AUTS2: variants seen among roughly 807,000 people sequenced by gnomAD.
AUTS2 encodes the protein activator of transcription and developmental regulator AUTS2, also known as autism susceptibility gene 2 protein.
Under a neutral mutation model 112.4 loss-of-function variants are expected in AUTS2, and 17 were observed. That is an observed-to-expected ratio of 0.15 (90% CI 0.10 to 0.23). The LOEUF (loss-of-function observed/expected upper bound fraction) is 0.23. AUTS2 is among the 10% of genes least tolerant of loss of function. AUTS2 has a pLI of 1.00. For synonymous variants in AUTS2, 751 were observed against 702.7 expected (o/e 1.07, Z -1.09); for missense variants, 1,510 against 1,701.6 (o/e 0.89, Z 1.98).
chr7:69,674,408 G>A (rs563339948), intron 1 of AUTS2, among the ~76,000 whole-genome samples: 2 of 152,242 alleles, frequency 1.3e-5, no homozygotes, highest in South Asian at 4.2e-4. Flanking sequence ...TGAGCTGTGG[G>A]ACCTTAACTT....
At chr7:69,608,725 A>G (rs1197717310) in intron 1 of AUTS2, among the ~76,000 whole-genome samples, 1 of 152,228 alleles carries the variant, frequency 6.6e-6, no homozygotes, top group Non-Finnish European at 1.5e-5. Flanking sequence ...GTACATGTTC[A>G]GTTGGCAAAG....
At position 70,790,586 on chromosome 7, in the gene AUTS2, T is replaced by TACAGCC. The variant is rs768948000; in HGVS notation, c.3373_3378dup (p.Ser1125_His1126dup). The TACAGCC allele has an allele frequency of 1.2e-6, 2 of 1,601,858 alleles. No individual in the cohort carries two copies. Among genetic ancestry groups the TACAGCC allele is most frequent in the Non-Finnish European group, 1.7e-6 (2 of 1,175,472 alleles). On this transcript the variant is annotated inframe_insertion, in exon 19 of 19. Transcript: ENST00000342771. The surrounding 1 kb of genome is among the most constrained non-coding windows in gnomAD (Gnocchi z 7.6). ...CTTCAGGGACCGGGAGCCTCACGAC[T>TACAGCC]ACAGCCACCACCACCACCACCACCA...
At chr7:70,077,992 C>A (rs1284196814) in intron 2 of AUTS2, among the ~76,000 whole-genome samples, 1 of 152,170 alleles carries the variant, frequency 6.6e-6, no homozygotes, top group Non-Finnish European at 1.5e-5. Context: ...CGGTCTCATT[C>A]TTTGATGTTT....
chr7:70,513,593 G>A (rs1053548940), intron 5 of AUTS2, among the ~76,000 whole-genome samples: 1 of 151,550 alleles, frequency 6.6e-6, no homozygotes, highest in African/African-American at 2.4e-5. Flanking sequence ...TTAGGAAATT[G>A]TATTAGTCCA....
intron 1 of AUTS2, among the ~76,000 whole-genome samples, chr7:69,673,594 C>T (rs1188966784): frequency 6.6e-6 from 1 of 152,198 alleles, no homozygotes; most frequent in Non-Finnish European, 1.5e-5. Flanking sequence ...TTGCTTGTAA[C>T]AAGAGGGAAG....
In AUTS2 at chr7:70,176,587, C is replaced by T. The variant is rs546579194; in HGVS notation, c.660+42016C>T. 5.9e-5 allele frequency among the ~76,000 whole-genome samples: 9 copies of T among 152,288 alleles called. No individual in the cohort carries two copies. In the South Asian group the frequency reaches 1.9e-3, roughly 32 times the overall value. ...TGCTTACATATGCCATTTGATAATG[C>T]TCAATCTTCTTTGTTAAGAAAACAA... On this transcript the variant is annotated intron_variant, in intron 4 of 18. Transcript: ENST00000342771.
intron 4 of AUTS2, among the ~76,000 whole-genome samples, chr7:70,410,832 AATTATT>A (rs1173094469): frequency 6.7e-6 from 1 of 150,370 alleles, no homozygotes; most frequent in Admixed American, 6.6e-5. Flanking sequence ...TAAGGAAATA[AATTATT>A]ATTATTATTA....
At chr7:70,527,686 T>A (rs1421661454) in intron 5 of AUTS2, among the ~76,000 whole-genome samples, 2 of 152,146 alleles carry the variant, frequency 1.3e-5, no homozygotes, top group Non-Finnish European at 2.9e-5. Flanking sequence ...ATATAAACAG[T>A]GGAAATGGGC....
intron 5 of AUTS2, among the ~76,000 whole-genome samples, chr7:70,553,226 C>T (rs1801087539): frequency 6.6e-6 from 1 of 152,214 alleles, no homozygotes; most frequent in South Asian, 2.1e-4. Flanking sequence ...GGTCATTCAG[C>T]CTTCACCCAA....
chr7:70,520,252 G>C (rs1483193347), intron 5 of AUTS2, among the ~76,000 whole-genome samples: 1 of 152,124 alleles, frequency 6.6e-6, no homozygotes, highest in East Asian at 1.9e-4. Context: ...ACACACACAT[G>C]AGCAAGCTTA....
chr7:70,391,904 A>G (rs1047383184), intron 4 of AUTS2, among the ~76,000 whole-genome samples: 1 of 152,072 alleles, frequency 6.6e-6, no homozygotes, highest in Non-Finnish European at 1.5e-5. Flanking sequence ...TTTTGCTGCC[A>G]TTCAGAGCTT....
At chr7:70,372,998 C>G (rs1792910787) in intron 4 of AUTS2, among the ~76,000 whole-genome samples, 1 of 152,138 alleles carries the variant, frequency 6.6e-6, no homozygotes, top group African/African-American at 2.4e-5. Context: ...CCAGAGCAAC[C>G]AGCTCCATCC....
chr7:70,522,286 G>A (rs953234219), intron 5 of AUTS2, among the ~76,000 whole-genome samples: 1 of 152,152 alleles, frequency 6.6e-6, no homozygotes, highest in Non-Finnish European at 1.5e-5. Flanking sequence ...ACACAGATAT[G>A]GGAAACTTTT....
At position 69,729,994 on chromosome 7, in the gene AUTS2, AT is replaced by A. The variant is rs10684331; in HGVS notation, c.309+130057del. On this transcript the variant is annotated intron_variant, in intron 1 of 18. Transcript: ENST00000342771. ...GTTTTTTTTTGTTGTTGTTGTTTTA[AT>A]TTTTTTTTTTTTTTTTTTTTTTTTA... is the stretch of plus-strand genomic sequence containing the variant. Among the ~76,000 whole-genome samples, 155 of 56,752 alleles carry A rather than the reference AT, an allele frequency of 2.7e-3. 1 individual carries two copies. The highest frequency in any genetic ancestry group is 0.019 in the Middle Eastern group (1 of 54). 37.2% of individuals were successfully genotyped at this position (56,752 alleles called of 152,430 possible). A position where few individuals can be genotyped will look rare whatever the true frequency, so the allele number is the denominator to read the frequency against.
intron 4 of AUTS2, among the ~76,000 whole-genome samples, chr7:70,348,679 G>A (rs901057701): frequency 3.3e-5 from 5 of 152,114 alleles, no homozygotes; most frequent in African/African-American, 9.7e-5. Context: ...GCGAGGTGGC[G>A]GGCGCCTGTA....
At chr7:70,237,369 G>T (rs1812381231) in intron 4 of AUTS2, among the ~76,000 whole-genome samples, 1 of 152,078 alleles carries the variant, frequency 6.6e-6, no homozygotes, top group South Asian at 2.1e-4. Context: ...TTCATCTGTG[G>T]TAAACAAACA....
intron 5 of AUTS2, among the ~76,000 whole-genome samples, chr7:70,603,469 G>A (rs1427840146): frequency 2.6e-5 from 4 of 152,162 alleles, no homozygotes; most frequent in Admixed American, 6.5e-5. Context: ...ATGCCCCGTC[G>A]CTGGGGTCTG....
At chr7:69,658,992 A>T (rs1288756296) in intron 1 of AUTS2, among the ~76,000 whole-genome samples, 1 of 152,196 alleles carries the variant, frequency 6.6e-6, no homozygotes, top group Non-Finnish European at 1.5e-5. Context: ...GACAGATGAG[A>T]TATAGGTAAA....
intron 4 of AUTS2, among the ~76,000 whole-genome samples, chr7:70,176,839 C>A (rs972985601): frequency 6.6e-6 from 1 of 152,148 alleles, no homozygotes; most frequent in African/African-American, 2.4e-5. Context: ...CTCTCTGAAT[C>A]AAGCAGCAGA....
Sources: gnomAD v4.1 joint callset for allele counts (sites outside exome capture counted in the v4.1 genomes callset) on GRCh38, gnomAD v4.1.1 for gene constraint, Gnocchi (gnomAD v3.1) non-coding constraint, MANE v1.5 for transcripts, NCBI Gene and HGNC (gene_info 2026-07-23, HGNC 2026-07-21) for gene names.